Variants in SERPINH1 observed in about 807,000 individuals in gnomAD.
SERPINH1 encodes the protein serpin H1.
In SERPINH1, 22 loss-of-function variants were observed where a neutral mutation model predicts 32.3. The observed-to-expected ratio is 0.68, with a 90% confidence interval of 0.49 to 0.97. The LOEUF (loss-of-function observed/expected upper bound fraction) is 0.97. Among genes scored for constraint, SERPINH1 ranks in the 50% least tolerant of loss-of-function variants. SERPINH1 has a pLI of 0.00. For missense variants in SERPINH1, 543 were observed against 576.4 expected (o/e 0.94, Z 0.59); for synonymous variants, 251 against 245.9 (o/e 1.02, Z -0.19).
At chr11:75,566,255 G>A (rs1219007351) in intron 1 of SERPINH1, 61 bp from the exon 2 acceptor site, 62 of 1,433,998 alleles carry the variant, frequency 4.3e-5, no homozygotes, top group Non-Finnish European at 5.6e-5. Context: ...AGAGCTGAGG[G>A]TGGTTGTTGG....
At chr11:75,563,707 A>C in intron 1 of SERPINH1, 1 of 151,758 alleles carries the variant, frequency 6.6e-6, no homozygotes, top group African/African-American at 2.4e-5. Context: ...CGCCCTCTTC[A>C]CTCTTCTGTT....
rs769259507 is a variant in SERPINH1, at chr11:75,566,924, T to C, written c.575T>C (p.Val192Ala). Residue 192 changes from valine (V) to alanine (A), a missense_variant, in exon 2 of 5, where the codon GTG becomes GCG. By Grantham distance (64) the Val-to-Ala change is moderately conservative (BLOSUM62 0). This residue lies in a region of SERPINH1 where 427 missense variants were observed against 446.4 expected (regional missense o/e 0.96). Coordinates refer to ENST00000358171, the MANE Select transcript of SERPINH1 (RefSeq NM_001235.5). Reference protein sequence around the residue: ...DGKLPEVTKDVERTDGALLVN... With the variant: ...DGKLPEVTKDAERTDGALLVN... ...AAGCTGCCCGAGGTCACCAAGGACG[T>C]GGAGCGCACGGACGGCGCCCTGCTA... The C allele has an allele frequency of 6.2e-7, 1 of 1,606,004 alleles. No individual in the cohort carries two copies.
chr11:75,568,329 T>C (rs1450123884), intron 2 of SERPINH1: 3 of 312,618 alleles, frequency 9.6e-6, no homozygotes, highest in Non-Finnish European at 1.2e-5. Context: ...AGGGTGGTCA[T>C]GGGGCACTCC....
intron 1 of SERPINH1, among the ~76,000 whole-genome samples, chr11:75,564,332 T>G (rs1187274196): frequency 2.0e-5 from 3 of 152,124 alleles, no homozygotes; most frequent in South Asian, 2.1e-4. Context: ...CCCAGTCCTT[T>G]GAGGTTCTGG....
intron 4 of SERPINH1, among the ~76,000 whole-genome samples, 195 bp from the exon 5 acceptor site, chr11:75,571,586 G>A (rs1052051545): frequency 2.6e-5 from 4 of 152,208 alleles, no homozygotes; most frequent in Admixed American, 6.5e-5. Context: ...GCAATTAGAA[G>A]CCCTTGTAGG....
chr11:75,566,683 G>C lies in SERPINH1; in HGVS notation c.334G>C (p.Gly112Arg). 2 of 1,609,646 alleles carry C rather than the reference G, an allele frequency of 1.2e-6. No individual in the cohort carries two copies. The highest frequency in any genetic ancestry group is 4.5e-5 in the East Asian group (2 of 44,772). Residue 112 changes from glycine to arginine, a missense_variant, in exon 2 of 5, where the codon GGC becomes CGC. This residue lies in a region of SERPINH1 where 427 missense variants were observed against 446.4 expected (regional missense o/e 0.96). Transcript: ENST00000358171. Reference protein sequence around the residue: ...LRDEEVHAGLGELLRSLSNST... With the variant: ...LRDEEVHAGLRELLRSLSNST... ...CGACGAGGAGGTGCACGCCGGCCTG[G>C]GCGAGCTGCTGCGCTCACTCAGCAA...
rs953044805 is a variant in SERPINH1, at chr11:75,571,668, G to A, written c.955-113G>A. 3.3e-6 allele frequency: 3 copies of A among 920,402 alleles called. No individual in the cohort carries two copies. The East Asian group carries it at 7.6e-5, about 23-fold the overall frequency. The allele number at this position is 920,402 out of a possible 1,614,324, so 57.0% of individuals were successfully genotyped here. A position where few individuals can be genotyped will look rare whatever the true frequency, so the allele number is the denominator to read the frequency against. On this transcript the variant is annotated intron_variant, in intron 4 of 4. Transcript: ENST00000358171. ...TGCCTGGCATACAGAAGGTGACCAGGGGGTGGTTCTCTCCTCTCTGAGGAG... is the reference window on the plus strand; with the variant it reads ...TGCCTGGCATACAGAAGGTGACCAGAGGGTGGTTCTCTCCTCTCTGAGGAG...
intron 2 of SERPINH1, chr11:75,568,345 C>A: frequency 5.8e-6 from 2 of 343,288 alleles, no homozygotes; most frequent in South Asian, 2.7e-5. Flanking sequence ...ACTCCCTGCC[C>A]AGGGCACAGC....
At chr11:75,565,739 G>A (rs1942062721) in intron 1 of SERPINH1, among the ~76,000 whole-genome samples, 1 of 152,248 alleles carries the variant, frequency 6.6e-6, no homozygotes, top group Non-Finnish European at 1.5e-5. Flanking sequence ...AAAGGCATGG[G>A]GGCGGGGCAG....
chr11:75,571,707 A>T, intron 4 of SERPINH1, 74 bp from the exon 5 acceptor site: 1 of 1,407,678 alleles, frequency 7.1e-7, no homozygotes, highest in Non-Finnish European at 1.0e-6. Flanking sequence ...TCAGGGTAGT[A>T]TGGGGTGGAG....
intron 1 of SERPINH1, among the ~76,000 whole-genome samples, chr11:75,565,982 C>G (rs1592199519): frequency 6.6e-6 from 1 of 152,212 alleles, no homozygotes; most frequent in East Asian, 1.9e-4. Flanking sequence ...TAGTGGCAAC[C>G]AGATTGGCTA....
chr11:75,565,544 A>T (rs1278684250), intron 1 of SERPINH1, among the ~76,000 whole-genome samples: 1 of 152,116 alleles, frequency 6.6e-6, no homozygotes, highest in East Asian at 1.9e-4. Context: ...TCCTGCCCAG[A>T]CAGAAGCCAT....
At position 75,569,129 on chromosome 11, in the gene SERPINH1, C is replaced by T; in HGVS notation, c.912C>T (p.Ile304=). 1 of 1,613,704 alleles carries T rather than the reference C, an allele frequency of 6.2e-7. No individual in the cohort carries two copies. The highest frequency in any genetic ancestry group is 8.5e-7 in the Non-Finnish European group (1 of 1,179,782). ...MGKMQKKAVA[I]SLPKGVVEVT... is the part of the protein sequence containing the mutation. ...AGATGCAGAAGAAGGCTGTTGCCAT[C>T]TCCTTGCCCAAGGGTGTGGTGGAGG... The change falls in exon 4 of 5, where the codon ATC becomes ATT. Residue 304 remains isoleucine, a synonymous_variant. Coordinates refer to ENST00000358171, the MANE Select transcript of SERPINH1 (RefSeq NM_001235.5).
In SERPINH1 at chr11:75,572,758, T is replaced by A. The variant is rs2135558997; in HGVS notation, c.*675T>A. 1 of 153,886 alleles carries A rather than the reference T, an allele frequency of 6.5e-6. No individual in the cohort carries two copies. The allele number at this position is 153,886 out of a possible 1,614,324, so 9.5% of individuals were successfully genotyped here. A position where few individuals can be genotyped will look rare whatever the true frequency, so the allele number is the denominator to read the frequency against. On this transcript the variant is annotated 3_prime_UTR_variant, in exon 5 of 5. Coordinates refer to ENST00000358171, the MANE Select transcript of SERPINH1 (RefSeq NM_001235.5). ...CCAAGAACTTATTTGTACATTTTTTTTTTCAATAAAACTTTTCCAATGACA... is the reference window on the plus strand; with the variant it reads ...CCAAGAACTTATTTGTACATTTTTTATTTCAATAAAACTTTTCCAATGACA...
At position 75,566,332 on chromosome 11, in the gene SERPINH1, G is replaced by T; in HGVS notation, c.-18G>T. The T allele has an allele frequency of 1.2e-6, 2 of 1,603,470 alleles. No homozygotes were observed. Among genetic ancestry groups the T allele is most frequent in the Non-Finnish European group, 1.7e-6 (2 of 1,175,856 alleles). On this transcript the variant is annotated 5_prime_UTR_variant, in exon 2 of 5. Transcript: ENST00000358171. ...TCCTCACAGGCCCACCGTGGTGCAC[G>T]CAAACCACTTCCTGGCCATGCGCTC...
intron 4 of SERPINH1, among the ~76,000 whole-genome samples, chr11:75,570,230 T>C (rs1942172786): frequency 6.6e-6 from 1 of 152,138 alleles, no homozygotes; most frequent in Non-Finnish European, 1.5e-5. Context: ...CCACAAATGG[T>C]TCTCACCTGC....
chr11:75,570,303 C>T (rs1316890606), intron 4 of SERPINH1, among the ~76,000 whole-genome samples: 1 of 152,140 alleles, frequency 6.6e-6, no homozygotes, highest in African/African-American at 2.4e-5. Flanking sequence ...TGAAGTGGGG[C>T]TTAGGCTCCA....
At chr11:75,565,711 A>C (rs1179577408) in intron 1 of SERPINH1, among the ~76,000 whole-genome samples, 2 of 152,218 alleles carry the variant, frequency 1.3e-5, no homozygotes, top group Admixed American at 6.5e-5. Context: ...TGACTCATTA[A>C]CATCCCAGAG....
At position 75,572,027 on chromosome 11, in the gene SERPINH1, C is replaced by G. The variant is rs547644799; in HGVS notation, c.1201C>G (p.Leu401Val). ...LVRDTQSGSL[L>V]FIGRLVRPKG... Reference sequence around the variant, plus strand: ...GCGGGACACCCAAAGCGGCTCCCTGCTATTCATTGGGCGCCTGGTCCGGCC... The same window carrying G: ...GCGGGACACCCAAAGCGGCTCCCTGGTATTCATTGGGCGCCTGGTCCGGCC... Residue 401 changes from leucine to valine, a missense_variant, in exon 5 of 5, where the codon CTA (leucine) becomes GTA (valine). Leu to Val is a conservative substitution (Grantham distance 32). Around this residue, in one of 3 missense-constraint regions of SERPINH1, gnomAD observed 427 missense variants for 446.4 expected, o/e 0.96. Coordinates refer to ENST00000358171, the MANE Select transcript of SERPINH1 (RefSeq NM_001235.5). The G allele has an allele frequency of 6.2e-7, 1 of 1,614,202 alleles. No homozygotes were observed. Among genetic ancestry groups the G allele is most frequent in the East Asian group, 2.2e-5 (1 of 44,884 alleles).
Sources: gnomAD v4.1 joint callset for allele counts (sites outside exome capture counted in the v4.1 genomes callset) on GRCh38, gnomAD v4.1.1 for gene constraint, gnomAD v4.1.1 regional missense constraint, MANE v1.5 for transcripts, NCBI Gene and HGNC (gene_info 2026-07-23, HGNC 2026-07-21) for gene names.